The following ASTN1 variants were observed in gnomAD, a reference collection of about 807,000 sequenced individuals.
ASTN1 encodes astrotactin 1.
A neutral mutation model predicts 140.7 loss-of-function variants in ASTN1; 41 were observed. The ratio of observed to expected loss-of-function variants is 0.29; its 90% CI spans 0.23 to 0.38. ASTN1 has a LOEUF of 0.38. Among genes scored for constraint, ASTN1 ranks in the 10% least tolerant of loss-of-function variants. ASTN1 has a pLI of 1.00. For missense variants in ASTN1, 1,479 were observed against 1,678.8 expected, an observed-to-expected ratio of 0.88 and a Z score of 2.08; for synonymous variants, 640 against 652.2, an observed-to-expected ratio of 0.98 and a Z score of 0.29.
intron 1 of ASTN1, among the ~76,000 whole-genome samples, chr1:177,112,843 T>C (rs1471644155): frequency 6.6e-6 from 1 of 152,160 alleles, no homozygotes; most frequent in African/African-American, 2.4e-5. Flanking sequence ...TTATGCCCAG[T>C]GCTCTTCTCA....
intron 1 of ASTN1, among the ~76,000 whole-genome samples, chr1:177,115,229 G>C (rs146999204): frequency 6.6e-6 from 1 of 152,236 alleles, no homozygotes; most frequent in African/African-American, 2.4e-5. Flanking sequence ...CTGAGGTGTG[G>C]TTGTAATCAC....
intron 22 of ASTN1, 57 bp from the exon 23 acceptor site, chr1:176,864,578 C>G (rs1437878669): frequency 1.3e-6 from 2 of 1,591,566 alleles, no homozygotes; most frequent in Non-Finnish European, 1.7e-6. Flanking sequence ...TCTGGATGAG[C>G]ACAGCTACTG....
intron 8 of ASTN1, among the ~76,000 whole-genome samples, chr1:176,997,479 A>C (rs1225720568): frequency 6.6e-6 from 1 of 152,034 alleles, no homozygotes; most frequent in Non-Finnish European, 1.5e-5. Context: ...GGTGTCTGAC[A>C]CAGAGGATAT....
chr1:176,909,203 A>G (rs1670125093), intron 16 of ASTN1, among the ~76,000 whole-genome samples: 1 of 152,236 alleles, frequency 6.6e-6, no homozygotes, highest in Non-Finnish European at 1.5e-5. Flanking sequence ...CTGGAGCCAC[A>G]CAGTCCCCGA....
chr1:177,124,549 A>C (rs1384283015), intron 1 of ASTN1, among the ~76,000 whole-genome samples: 1 of 152,116 alleles, frequency 6.6e-6, no homozygotes, highest in Non-Finnish European at 1.5e-5. Context: ...GCTTGGGAGG[A>C]ACTTAGCCAT....
rs2101959930 is a variant in ASTN1 at position 177,024,735 on chromosome 1, GA to G, written c.1121-4del. ...CACAGGACTTCGGGGAGAACCCACT[GA>G]AAGTGAGACAAAAGCAAGATACATG... On this transcript the variant is annotated splice_polypyrimidine_tract_variant and splice_region_variant and intron_variant, in intron 5 of 22. Coordinates refer to ENST00000361833, the MANE Select transcript of ASTN1 (RefSeq NM_004319.3). 2 of 1,612,470 alleles carry G rather than the reference GA, an allele frequency of 1.2e-6. No homozygotes were observed. Among genetic ancestry groups the G allele is most frequent in the Admixed American group, 1.7e-5 (1 of 59,972 alleles).
Position 176,957,622 on chromosome 1 carries a change from C to G in ASTN1, c.1887+56G>C, listed in dbSNP as rs981898828. 1.9e-6 allele frequency: 3 copies of G among 1,595,758 alleles called. No individual in the cohort carries two copies. The Admixed American group carries it at 5.1e-5, about 27-fold the overall frequency. ...TATGTATCTGTATTGTGTCTTCCCC[C>G]GTGCCTTTCCTCCCCATCCTCAAAC... On this transcript the variant is annotated intron_variant, in intron 11 of 22. Coordinates refer to ENST00000361833, the MANE Select transcript of ASTN1 (RefSeq NM_004319.3).
In ASTN1 at chr1:176,864,402, C is replaced by T; in HGVS notation, c.3767G>A (p.Ser1256Asn). The part of the protein sequence containing the change: ...SSLKYLGCRY[S>N]EIKPYGLDWA... ...GTCAAGTCCGTAGGGTTTGATCTCG[C>T]TGTAGCGGCACCCCAGGTACTTGAG... Residue 1256 changes from serine to asparagine, a missense_variant, in exon 23 of 23, where the codon AGC becomes AAC. Physicochemically the swap from Ser to Asn is conservative, Grantham distance 46. Around this residue, in one of 3 missense-constraint regions of ASTN1, gnomAD observed 746 missense variants for 800.9 expected, o/e 0.93. Transcript: ENST00000361833. 7 of 1,614,124 alleles carry T rather than the reference C, an allele frequency of 4.3e-6. No individual in the cohort carries two copies. The highest frequency in any genetic ancestry group is 5.9e-6 in the Non-Finnish European group (7 of 1,180,006).
chr1:177,031,983 G>A (rs1342407428), intron 3 of ASTN1, among the ~76,000 whole-genome samples: 1 of 152,148 alleles, frequency 6.6e-6, no homozygotes, highest in Non-Finnish European at 1.5e-5. Flanking sequence ...AGAGGCATGA[G>A]CAAGATAAAC....
At chr1:176,989,392 T>C (rs1674054241) in intron 8 of ASTN1, among the ~76,000 whole-genome samples, 1 of 152,244 alleles carries the variant, frequency 6.6e-6, no homozygotes, top group African/African-American at 2.4e-5. Flanking sequence ...TTTCTTCTTT[T>C]CAGTGATAGG....
intron 1 of ASTN1, among the ~76,000 whole-genome samples, chr1:177,129,874 G>A (rs1012997689): frequency 6.6e-6 from 1 of 152,190 alleles, no homozygotes; most frequent in Non-Finnish European, 1.5e-5. Context: ...GGCTGAGGCA[G>A]GAGAATCACT....
chr1:176,864,175 T>C lies in ASTN1; in HGVS notation c.*109A>G. ...TTTCTCCCTGGTTTCGATGTTGCTG[T>C]GGAGGTTTTCATGTTCCATTAAAAA... On this transcript the variant is annotated 3_prime_UTR_variant, in exon 23 of 23. Coordinates refer to ENST00000361833, the MANE Select transcript of ASTN1 (RefSeq NM_004319.3). 2.7e-6 allele frequency: 4 copies of C among 1,507,282 alleles called. No individual in the cohort carries two copies. Among genetic ancestry groups the C allele is most frequent in the Non-Finnish European group, 3.5e-6 (4 of 1,135,564 alleles). 93.4% of individuals were successfully genotyped at this position (1,507,282 alleles called of 1,614,324 possible).
At chr1:176,939,499 C>T (rs1671598591) in intron 14 of ASTN1, among the ~76,000 whole-genome samples, 1 of 152,038 alleles carries the variant, frequency 6.6e-6, no homozygotes, top group Non-Finnish European at 1.5e-5. Flanking sequence ...AGTGTTTTTC[C>T]ATGCCTGCGT....
chr1:177,083,000 C>A (rs1679254328), intron 1 of ASTN1, among the ~76,000 whole-genome samples: 1 of 152,034 alleles, frequency 6.6e-6, no homozygotes, highest in Non-Finnish European at 1.5e-5. Flanking sequence ...CCTATTAAAC[C>A]CAAGATAAAA....
chr1:177,086,729 A>G (rs1416894135), intron 1 of ASTN1, among the ~76,000 whole-genome samples: 1 of 152,214 alleles, frequency 6.6e-6, no homozygotes, highest in Non-Finnish European at 1.5e-5. Flanking sequence ...GAAAATTGGC[A>G]GAATAATGTT....
chr1:177,075,605 T>TTTTC (rs202178811), intron 1 of ASTN1, among the ~76,000 whole-genome samples: 44 of 151,346 alleles, frequency 2.9e-4, no homozygotes, highest in East Asian at 3.9e-4. Context: ...GAGCAACATT[T>TTTTC]TTTCTTTCTT....
chr1:177,065,746 T>C (rs1678323032), intron 1 of ASTN1, among the ~76,000 whole-genome samples: 2 of 152,130 alleles, frequency 1.3e-5, no homozygotes, highest in African/African-American at 2.4e-5. Context: ...GTGAACGTGG[T>C]GAATGCCCAT....
In ASTN1 at chr1:177,059,742, G is replaced by A. The variant is rs955525031; in HGVS notation, c.471+1336C>T. 3.9e-5 allele frequency among the ~76,000 whole-genome samples: 6 copies of A among 152,150 alleles called. No homozygotes were observed. In the South Asian group the frequency reaches 1.0e-3, roughly 26 times the overall value. Reference sequence around the variant, plus strand: ...CTTTGGATAATAGGCATTCTTCTATGTCTAAAATGCACTCAGTTTCCCTCA... The same window carrying A: ...CTTTGGATAATAGGCATTCTTCTATATCTAAAATGCACTCAGTTTCCCTCA... On this transcript the variant is annotated intron_variant, in intron 2 of 22. Transcript: ENST00000361833.
In ASTN1 at chr1:176,958,471, G is replaced by T; in HGVS notation, c.1610C>A (p.Thr537Asn). Residue 537 changes from threonine (T) to asparagine (N), a missense_variant, in exon 10 of 23, where the codon ACT becomes AAT. Physicochemically the swap from Thr to Asn is moderately conservative, Grantham distance 65. Around this residue, in one of 3 missense-constraint regions of ASTN1, gnomAD observed 729 missense variants for 860.4 expected, o/e 0.85. Transcript: ENST00000361833. ...GGGCAACCACATGCCCTCCCCAAGA[G>T]TGTAGGTGAATCTGCAGGGACACCC... The part of the protein sequence containing the change: ...PSDKIFRFTY[T>N]LGEGMWLPLS... 2.5e-6 allele frequency: 4 copies of T among 1,612,098 alleles called. No homozygotes were observed. The highest frequency in any genetic ancestry group is 3.4e-6 in the Non-Finnish European group (4 of 1,179,104).
Sources: gnomAD v4.1 joint callset for allele counts (sites outside exome capture counted in the v4.1 genomes callset) on GRCh38, gnomAD v4.1.1 for gene constraint, gnomAD v4.1.1 regional missense constraint, MANE v1.5 for transcripts, NCBI Gene and HGNC (gene_info 2026-07-23, HGNC 2026-07-21) for gene names.